Variants in FOXP2 observed in about 807,000 individuals in gnomAD.
FOXP2 encodes the protein forkhead box P2.
FOXP2 carries 12 observed loss-of-function variants against 115.8 expected under a neutral mutation model. That is an observed-to-expected ratio of 0.10 (90% CI 0.07 to 0.17). The LOEUF (loss-of-function observed/expected upper bound fraction) is 0.17. Among genes scored for constraint, FOXP2 ranks in the 10% least tolerant of loss-of-function variants. FOXP2 has a pLI of 1.00. For missense variants in FOXP2, 629 were observed against 843.5 expected (o/e 0.75, Z 3.15); for synonymous variants, 328 against 297.7 (o/e 1.10, Z -1.05).
In FOXP2 at chr7:114,390,328, G is replaced by T. The variant is rs2129194099; in HGVS notation, c.-10-36174G>T. Reference sequence around the variant, plus strand: ...TACTGGGTAGTTTACTCATTCTACAGAGTAAACTGGTGCTCAGGAGCAGAG... The same window carrying T: ...TACTGGGTAGTTTACTCATTCTACATAGTAAACTGGTGCTCAGGAGCAGAG... On this transcript the variant is annotated intron_variant, in intron 2 of 17. Transcript: ENST00000634411. 2.0e-5 allele frequency among the ~76,000 whole-genome samples: 3 copies of T among 152,102 alleles called. No individual in the cohort carries two copies. In the South Asian group the frequency reaches 6.2e-4, roughly 32 times the overall value.
rs555367413 is a variant in FOXP2 at position 114,205,974 on chromosome 7, C to T, written c.-102+42886C>T. Among the ~76,000 whole-genome samples, 12 of 152,264 alleles carry T rather than the reference C, an allele frequency of 7.9e-5. No homozygotes were observed. In the East Asian group the frequency reaches 2.3e-3, roughly 29 times the overall value. On this transcript the variant is annotated intron_variant, in intron 1 of 17. Coordinates refer to the FOXP2 transcript ENST00000634411. ...GCCAAGCTTGGTGGCATGCATATGT[C>T]ATCCTGGCAGTTTGGGAGGCCAAGG... is the stretch of plus-strand genomic sequence containing the variant.
At chr7:114,108,941 C>T (rs1218827961) in intron 1 of FOXP2, among the ~76,000 whole-genome samples, 1 of 151,810 alleles carries the variant, frequency 6.6e-6, no homozygotes, top group Non-Finnish European at 1.5e-5. Context: ...AAAAAATAGG[C>T]CTTCACATTT....
intron 2 of FOXP2, among the ~76,000 whole-genome samples, chr7:114,402,019 G>A (rs529201082): frequency 1.3e-5 from 2 of 152,332 alleles, no homozygotes; most frequent in South Asian, 4.1e-4. Context: ...CTACTTGGGA[G>A]ACTGAGGCAC....
intron 1 of FOXP2, among the ~76,000 whole-genome samples, chr7:114,243,752 T>G (rs1795209609): frequency 6.6e-6 from 1 of 151,928 alleles, no homozygotes; most frequent in Non-Finnish European, 1.5e-5. Context: ...TCTGGGTATG[T>G]GAGAGAGAGA....
chr7:114,628,772 C>T (rs1403871003), intron 4 of FOXP2, 95 bp downstream of exon 4: 3 of 1,478,050 alleles, frequency 2.0e-6, no homozygotes, highest in African/African-American at 1.4e-5. Flanking sequence ...ATTCAGTCTC[C>T]ATTTGAAAGG....
At chr7:114,159,186 A>C (rs1792757901), upstream of FOXP2, among the ~76,000 whole-genome samples, 1 of 152,138 alleles carries the variant, frequency 6.6e-6, no homozygotes, top group African/African-American at 2.4e-5. Flanking sequence ...AACAGGGTTG[A>C]GAGTTAGGAG....
intron 1 of FOXP2, among the ~76,000 whole-genome samples, chr7:114,251,200 C>A (rs1304420971): frequency 6.6e-6 from 1 of 151,984 alleles, no homozygotes; most frequent in African/African-American, 2.4e-5. Flanking sequence ...GTTACTGTAG[C>A]CTTGTAGTAT....
At chr7:114,616,409 T>A (rs1160110102) in intron 3 of FOXP2, among the ~76,000 whole-genome samples, 1 of 152,116 alleles carries the variant, frequency 6.6e-6, no homozygotes, top group African/African-American at 2.4e-5. Flanking sequence ...GTGTTCTGGC[T>A]GCCTCTGCCT....
chr7:114,689,642 G>A (rs781421691), intron 16 of FOXP2, 140 bp from the exon 17 acceptor site: 92 of 789,454 alleles, frequency 1.2e-4, no homozygotes, highest in Non-Finnish European at 1.7e-4. Context: ...ACCAGCTCAC[G>A]CAATCAATCA....
At chr7:114,300,673 T>C (rs1796857460) in intron 2 of FOXP2, among the ~76,000 whole-genome samples, 1 of 152,070 alleles carries the variant, frequency 6.6e-6, no homozygotes, top group Non-Finnish European at 1.5e-5. Context: ...TTTCTTGTGT[T>C]TCTGCTCAGA....
intron 1 of FOXP2, among the ~76,000 whole-genome samples, chr7:114,254,398 G>T (rs1188624675): frequency 1.3e-5 from 2 of 152,118 alleles, no homozygotes; most frequent in Non-Finnish European, 2.9e-5. Context: ...TTTCCAACTT[G>T]GTTCCATTCT....
At chr7:114,509,925 G>GA (rs375301578) in intron 2 of FOXP2, among the ~76,000 whole-genome samples, 52 of 148,728 alleles carry the variant, frequency 3.5e-4, no homozygotes, top group East Asian at 1.2e-3. Context: ...GGAAAAGAGA[G>GA]AAAAAAAAAG....
At position 114,587,881 on chromosome 7, in the gene FOXP2, A is replaced by AGG. The variant is rs1554425617; in HGVS notation, c.259-40659_259-40658insGG. Among the ~76,000 whole-genome samples the AGG allele has an allele frequency of 8.4e-5, 12 of 142,798 alleles. 1 individual carries two copies. Among genetic ancestry groups the AGG allele is most frequent in the South Asian group, 4.6e-4 (2 of 4,364 alleles). The allele number at this position is 142,798 out of a possible 152,430, so 93.7% of individuals were successfully genotyped here. ...AATTGGGTGAATAAGAGATAATTAA[A>AGG]TCCACCTTTCTTAGTGCCTTATTAA... On this transcript the variant is annotated intron_variant, in intron 3 of 16. Coordinates refer to ENST00000350908, the MANE Select transcript of FOXP2 (RefSeq NM_014491.4).
chr7:114,423,240 C>A (rs1793695218), intron 1 of FOXP2, among the ~76,000 whole-genome samples: 1 of 151,666 alleles, frequency 6.6e-6, no homozygotes, highest in Admixed American at 6.6e-5. Context: ...TATTGTTACA[C>A]TAAGTAACCT....
chr7:114,318,074 A>G (rs2129181035), intron 2 of FOXP2, among the ~76,000 whole-genome samples: 1 of 152,244 alleles, frequency 6.6e-6, no homozygotes, highest in South Asian at 2.1e-4. Context: ...CTCTCATCCT[A>G]ACCTATTTTT....
chr7:114,236,548 A>G (rs552233806), intron 1 of FOXP2, among the ~76,000 whole-genome samples: 2 of 152,346 alleles, frequency 1.3e-5, no homozygotes, highest in Non-Finnish European at 2.9e-5. Flanking sequence ...AAGTCCTTCC[A>G]CAGGTATTTA....
At chr7:114,114,910 G>A (rs1584486882) in intron 1 of FOXP2, among the ~76,000 whole-genome samples, 1 of 152,208 alleles carries the variant, frequency 6.6e-6, no homozygotes, top group African/African-American at 2.4e-5. Flanking sequence ...ACTGAAACAA[G>A]GAAAGTTAAC....
chr7:114,184,111 T>C (rs1435007767), intron 1 of FOXP2, among the ~76,000 whole-genome samples: 1 of 152,204 alleles, frequency 6.6e-6, no homozygotes, highest in Non-Finnish European at 1.5e-5. Flanking sequence ...AGAATCCCTG[T>C]ACCCACCATT....
chr7:114,527,676 T>A (rs1798942846), intron 2 of FOXP2, among the ~76,000 whole-genome samples: 1 of 152,158 alleles, frequency 6.6e-6, no homozygotes, highest in African/African-American at 2.4e-5. Flanking sequence ...GCAAACAGCA[T>A]AATCTTCTCT....
Sources: gnomAD v4.1 joint callset for allele counts (sites outside exome capture counted in the v4.1 genomes callset) on GRCh38, gnomAD v4.1.1 for gene constraint, MANE v1.5 for transcripts, NCBI Gene and HGNC (gene_info 2026-07-23, HGNC 2026-07-21) for gene names.